Variants in RIPOR3 observed in about 807,000 individuals in gnomAD.
The protein encoded by RIPOR3 is RIPOR family member 3.
In RIPOR3, 95 loss-of-function variants were observed where a neutral mutation model predicts 114.3. The observed-to-expected ratio is 0.83, with a 90% confidence interval of 0.70 to 0.99. The LOEUF is 0.99. Among genes scored for constraint, RIPOR3 ranks in the 50% least tolerant of loss-of-function variants. RIPOR3 has a pLI of 0.00. For synonymous variants in RIPOR3, 575 were observed against 543.8 expected (o/e 1.06, Z -0.80); for missense variants, 1,252 against 1,266.9 (o/e 0.99, Z 0.18).
In RIPOR3 at chr20:50,609,741, C is replaced by T; in HGVS notation, c.427-19G>A. On this transcript the variant is annotated intron_variant, in intron 6 of 21. Coordinates refer to ENST00000327979, the MANE Select transcript of RIPOR3 (RefSeq NM_001290268.2). ...CATCCACCTGTGGTGGGCACACGGGCTGGTGGCGCTGCCCACGCGGAGGGG... is the reference window on the plus strand; with the variant it reads ...CATCCACCTGTGGTGGGCACACGGGTTGGTGGCGCTGCCCACGCGGAGGGG... 2.9e-6 allele frequency: 4 copies of T among 1,360,732 alleles called. No homozygotes were observed. The highest frequency in any genetic ancestry group is 3.0e-5 in the East Asian group (1 of 33,494). The allele number at this position is 1,360,732 out of a possible 1,614,324, so 84.3% of individuals were successfully genotyped here.
chr20:50,616,000 A>G lies in RIPOR3; in HGVS notation c.348+2T>C. ...TGGGAAGCAGGCAGGGAGGGGTCTC[A>G]CCAGCCTGGAATTCCTCCTGGTGTC... On this transcript the variant is annotated splice_donor_variant, in intron 4 of 21. Coordinates refer to ENST00000327979, the MANE Select transcript of RIPOR3 (RefSeq NM_001290268.2). LOFTEE classifies it high-confidence loss of function. The G allele has an allele frequency of 2.5e-6, 4 of 1,605,518 alleles. No homozygotes were observed. The highest frequency in any genetic ancestry group is 3.4e-6 in the Non-Finnish European group (4 of 1,176,098).
At chr20:50,609,892 G>A (rs2083887726) in intron 6 of RIPOR3, among the ~76,000 whole-genome samples, 170 bp from the exon 7 acceptor site, 1 of 152,046 alleles carries the variant, frequency 6.6e-6, no homozygotes, top group Non-Finnish European at 1.5e-5. Context: ...AGTCACCCCT[G>A]GCCCCAGTAG....
At chr20:50,668,500 G>A (rs776170306) in intron 1 of RIPOR3, among the ~76,000 whole-genome samples, 2 of 152,130 alleles carry the variant, frequency 1.3e-5, no homozygotes, top group Non-Finnish European at 2.9e-5. Flanking sequence ...TCCCTCCTCA[G>A]TGCGGTTCCT....
chr20:50,622,573 C>CCTA (rs2084455642), intron 2 of RIPOR3, among the ~76,000 whole-genome samples: 1 of 152,120 alleles, frequency 6.6e-6, no homozygotes, highest in Non-Finnish European at 1.5e-5. Flanking sequence ...GAAGCAGCTT[C>CCTA]AACCCACCCC....
chr20:50,616,037 C>T lies in RIPOR3; in HGVS notation c.313G>A (p.Gly105Arg). The T allele has an allele frequency of 1.2e-6, 2 of 1,611,578 alleles. No homozygotes were observed. Among genetic ancestry groups the T allele is most frequent in the Non-Finnish European group, 1.7e-6 (2 of 1,179,106 alleles). The change falls in exon 4 of 22, where the codon GGA (glycine) becomes AGA (arginine). Residue 105 changes from glycine (G) to arginine (R), a missense_variant. By Grantham distance (125) the Gly-to-Arg change is moderately radical (BLOSUM62 -2). Transcript: ENST00000327979. ...VQQAELDHLS[G>R]RHKDTRRNSR... ...TTCCTCCTGGTGTCTTTGTGGCGTC[C>T]AGACAGGTGGTCCAGCTCAGCCTGC... is the stretch of plus-strand genomic sequence containing the variant.
Position 50,686,118 on chromosome 20 carries a change from G to A in RIPOR3, c.3+5008C>T, listed in dbSNP as rs1238263880. 3.9e-5 allele frequency among the ~76,000 whole-genome samples: 6 copies of A among 152,018 alleles called. No homozygotes were observed. The East Asian group carries it at 9.8e-4, about 25-fold the overall frequency. ...TTGCCCCAGGCTGGAGTGCAGTGGC[G>A]CAATCTCGGCTCACTGCAAGCTCCG... On this transcript the variant is annotated intron_variant, in intron 1 of 21. Coordinates refer to ENST00000327979, the MANE Select transcript of RIPOR3 (RefSeq NM_001290268.2).
intron 1 of RIPOR3, among the ~76,000 whole-genome samples, chr20:50,649,858 C>T (rs763031819): frequency 3.3e-5 from 5 of 152,260 alleles, no homozygotes; most frequent in East Asian, 1.9e-4. Flanking sequence ...ATGATCTGGG[C>T]GCCAAAAGCC....
chr20:50,654,433 T>TTC (rs922226524), intron 1 of RIPOR3, among the ~76,000 whole-genome samples: 3 of 131,964 alleles, frequency 2.3e-5, no homozygotes, highest in East Asian at 2.2e-4. Flanking sequence ...TTTTTTTTTT[T>TTC]TTTTTTTTTT....
chr20:50,597,293 G>C, intron 14 of RIPOR3: 1 of 390,578 alleles, frequency 2.6e-6, no homozygotes, highest in South Asian at 3.2e-5. Flanking sequence ...TATACTTGGT[G>C]ATTATTTTTA....
chr20:50,691,030 G>A (rs950373200), intron 1 of RIPOR3, 96 bp downstream of exon 1: 6 of 1,283,612 alleles, frequency 4.7e-6, no homozygotes, highest in Admixed American at 4.6e-5. Context: ...TGGCCTGTGA[G>A]GAACGGCTGC....
intron 1 of RIPOR3, among the ~76,000 whole-genome samples, chr20:50,637,408 C>T (rs933082207): frequency 1.3e-5 from 2 of 152,174 alleles, no homozygotes; most frequent in Non-Finnish European, 2.9e-5. Context: ...GCCACCTCCT[C>T]AGAGAGGTCC....
intron 1 of RIPOR3, among the ~76,000 whole-genome samples, chr20:50,650,798 CAA>C (rs1378501824): frequency 1.3e-5 from 2 of 152,082 alleles, no homozygotes; most frequent in Non-Finnish European, 1.5e-5. Context: ...AAGATGATCC[CAA>C]AGACGCTCGA....
chr20:50,664,642 C>T (rs897830147), intron 1 of RIPOR3, among the ~76,000 whole-genome samples: 1 of 152,180 alleles, frequency 6.6e-6, no homozygotes, highest in Non-Finnish European at 1.5e-5. Context: ...TTATCTCCAT[C>T]TGCTTGGAGC....
At chr20:50,608,828 G>A (rs1346086443) in intron 9 of RIPOR3, 84 bp downstream of exon 9, 2 of 1,612,082 alleles carry the variant, frequency 1.2e-6, no homozygotes, top group Non-Finnish European at 8.5e-7. Flanking sequence ...CAGAGCCCCA[G>A]CTGCAACCCT....
chr20:50,643,776 G>T (rs141816937), intron 1 of RIPOR3, among the ~76,000 whole-genome samples: 17,220 of 148,980 alleles, frequency 0.12, 1,109 homozygotes, highest in East Asian at 0.17. Flanking sequence ...TGCAATCTCG[G>T]CTCACTGCAA....
intron 1 of RIPOR3, among the ~76,000 whole-genome samples, chr20:50,647,041 G>T (rs1307738089): frequency 6.6e-6 from 1 of 152,188 alleles, no homozygotes; most frequent in African/African-American, 2.4e-5. Flanking sequence ...AGAAAAGGGG[G>T]CCGGGCGTGG....
chr20:50,611,233 A>G (rs755446300), intron 4 of RIPOR3, 29 bp from the exon 5 acceptor site: 2 of 1,613,996 alleles, frequency 1.2e-6, no homozygotes, highest in Non-Finnish European at 1.7e-6. Context: ...GGGCGGAAGA[A>G]GCTGTCAGAG....
chr20:50,663,094 C>CAA (rs35856275), intron 1 of RIPOR3, among the ~76,000 whole-genome samples: 196 of 69,096 alleles, frequency 2.8e-3, no homozygotes, highest in Non-Finnish European at 4.9e-3. Flanking sequence ...GAGACTGTCT[C>CAA]AAAAAAAAAA....
At chr20:50,617,301 AC>A (rs1201452199) in intron 3 of RIPOR3, among the ~76,000 whole-genome samples, 8 of 152,170 alleles carry the variant, frequency 5.3e-5, no homozygotes, top group Non-Finnish European at 1.2e-4. Flanking sequence ...ACTGCTACTC[AC>A]TGAGGTATTG....
Sources: gnomAD v4.1 joint callset for allele counts (sites outside exome capture counted in the v4.1 genomes callset) on GRCh38, gnomAD v4.1.1 for gene constraint, MANE v1.5 for transcripts, NCBI Gene and HGNC (gene_info 2026-07-23, HGNC 2026-07-21) for gene names.